Variants in FBXO11 observed in about 807,000 individuals in gnomAD.
FBXO11 encodes the protein F-box protein 11.
In FBXO11, 13 loss-of-function variants were observed where a neutral mutation model predicts 117.0. The ratio of observed to expected loss-of-function variants is 0.11; its 90% confidence interval spans 0.07 to 0.18. The LOEUF is 0.18. Ranked by LOEUF, FBXO11 falls within the 10% of genes least tolerant of loss-of-function variation. The probability of loss-of-function intolerance (pLI) is 1.00; values close to 1 mark genes in which losing one functional copy is unlikely to be tolerated. For synonymous variants in FBXO11, 490 were observed against 380.5 expected (o/e 1.29, Z -3.35); for missense variants, 767 against 1,164.4 (o/e 0.66, Z 4.97).
chr2:47,842,649 T>TA (rs1464286597), intron 1 of FBXO11, among the ~76,000 whole-genome samples: 8 of 152,100 alleles, frequency 5.3e-5, no homozygotes, highest in African/African-American at 1.9e-4. Flanking sequence ...TAAATATATG[T>TA]AAAACACACA....
chr2:47,844,634 G>C (rs2104904490), intron 1 of FBXO11, among the ~76,000 whole-genome samples: 1 of 152,052 alleles, frequency 6.6e-6, no homozygotes, highest in African/African-American at 2.4e-5. Flanking sequence ...TTATAGTTTT[G>C]TTCTTAATGC....
In FBXO11 at chr2:47,839,675, T is replaced by C. The variant is rs1286576040; in HGVS notation, c.327A>G (p.Lys109=). 1.2e-6 allele frequency: 2 copies of C among 1,614,072 alleles called. No homozygotes were observed. The highest frequency in any genetic ancestry group is 1.7e-5 in the Admixed American group (1 of 60,008). ...YQLRRKTLLP[K]RTACPTKNSM... ...TGTTCTTTGTGGGACACGCTGTTCT[T>C]TTCGGCAAAAGAGTTTTTCTACGAA... The change falls in exon 2 of 23, where the codon AAA becomes AAG. Residue 109 remains lysine, a synonymous_variant. Transcript: ENST00000403359.
At chr2:47,871,985 T>A (rs1041819712) in intron 1 of FBXO11, among the ~76,000 whole-genome samples, 1 of 152,216 alleles carries the variant, frequency 6.6e-6, no homozygotes, top group East Asian at 1.9e-4. Context: ...TCCTTATTTA[T>A]AACCTCCAGT....
chr2:47,819,103 A>G, intron 14 of FBXO11, 25 bp from the exon 15 acceptor site: 1 of 1,607,960 alleles, frequency 6.2e-7, no homozygotes, highest in South Asian at 1.1e-5. Flanking sequence ...CACTGGTTAT[A>G]ATATTTATCT....
intron 1 of FBXO11, among the ~76,000 whole-genome samples, chr2:47,879,588 T>C (rs369396007): frequency 3.3e-5 from 5 of 152,342 alleles, no homozygotes; most frequent in African/African-American, 9.6e-5. Context: ...TTTTATGGGG[T>C]TGCAAGATCT....
intron 1 of FBXO11, among the ~76,000 whole-genome samples, chr2:47,898,444 T>C (rs1010082902): frequency 6.6e-6 from 1 of 152,194 alleles, no homozygotes; most frequent in Admixed American, 6.5e-5. Flanking sequence ...AAAACTAATT[T>C]AACGCACATT....
At chr2:47,839,608 T>C in intron 2 of FBXO11, 34 bp downstream of exon 2, 2 of 1,606,356 alleles carry the variant, frequency 1.2e-6, no homozygotes, top group South Asian at 1.1e-5. Flanking sequence ...AATTCTTTCA[T>C]TACAAAAAGA....
chr2:47,842,725 A>C (rs988828642), intron 1 of FBXO11, among the ~76,000 whole-genome samples: 1 of 151,428 alleles, frequency 6.6e-6, no homozygotes, highest in African/African-American at 2.4e-5. Context: ...TTTAAATATT[A>C]TTCGATTAAC....
At chr2:47,858,048 T>C (rs1031777180) in intron 1 of FBXO11, among the ~76,000 whole-genome samples, 8 of 152,176 alleles carry the variant, frequency 5.3e-5, no homozygotes, top group African/African-American at 1.2e-4. Flanking sequence ...AAAAAAATCA[T>C]TGCCTTGGGT....
chr2:47,871,866 A>T (rs1176252404), intron 1 of FBXO11, among the ~76,000 whole-genome samples: 1 of 152,238 alleles, frequency 6.6e-6, no homozygotes, highest in Non-Finnish European at 1.5e-5. Context: ...TTCTGTAAAC[A>T]ATCTTTTCCC....
intron 21 of FBXO11, chr2:47,808,881 GAGAC>G (rs1180770736): frequency 6.5e-6 from 2 of 309,420 alleles, no homozygotes; most frequent in Non-Finnish European, 1.2e-5. Flanking sequence ...TTGTTTTGTA[GAGAC>G]AGGGTCTCCC....
intron 1 of FBXO11, among the ~76,000 whole-genome samples, chr2:47,843,861 C>T (rs994821448): frequency 3.9e-5 from 6 of 152,116 alleles, no homozygotes; most frequent in African/African-American, 1.4e-4. Context: ...CCACCTCAGC[C>T]TTCCGAGTAG....
At chr2:47,828,824 T>C (rs905515157) in intron 11 of FBXO11, among the ~76,000 whole-genome samples, 4 of 152,188 alleles carry the variant, frequency 2.6e-5, no homozygotes, top group African/African-American at 9.7e-5. Context: ...TGAAGTGTAG[T>C]TGTCCCCAAG....
rs377037169 is a variant in FBXO11 at position 47,874,867 on chromosome 2, CTTTTT to C, written c.232+30617_232+30621del. ...AAATTTAAAAAACATTGTCTCAGGA[CTTTTT>C]TTTTTTTTTTTTTTTAAAGCAAAAA... On this transcript the variant is annotated intron_variant, in intron 1 of 22. Coordinates refer to ENST00000403359, the MANE Select transcript of FBXO11 (RefSeq NM_001190274.2). 2.7e-3 allele frequency among the ~76,000 whole-genome samples: 346 copies of C among 128,880 alleles called. 2 individuals carry two copies. Among genetic ancestry groups the C allele is most frequent in the African/African-American group, 8.3e-3 (291 of 34,958 alleles). The allele number at this position is 128,880 out of a possible 152,430, so 84.6% of individuals were successfully genotyped here. A position where few individuals can be genotyped will look rare whatever the true frequency, so the allele number is the denominator to read the frequency against.
chr2:47,886,974 T>C (rs1393689760), intron 1 of FBXO11, among the ~76,000 whole-genome samples: 1 of 152,052 alleles, frequency 6.6e-6, no homozygotes, highest in Non-Finnish European at 1.5e-5. Context: ...GATCAAGCCA[T>C]TACACTCTAG....
At chr2:47,813,749 A>C in intron 17 of FBXO11, 42 bp downstream of exon 17, 2 of 1,455,544 alleles carry the variant, frequency 1.4e-6, no homozygotes, top group Non-Finnish European at 1.8e-6. Flanking sequence ...GTGTATTTCT[A>C]AAGTTTATTA....
chr2:47,896,776 A>T (rs6723441), intron 1 of FBXO11, among the ~76,000 whole-genome samples: 24,407 of 152,202 alleles, frequency 0.16, 2,104 homozygotes, highest in African/African-American at 0.18. Context: ...GTGAAGTAGT[A>T]TAGTGGCTAC....
intron 1 of FBXO11, among the ~76,000 whole-genome samples, chr2:47,857,077 T>A (rs1008726310): frequency 1.3e-5 from 2 of 152,242 alleles, no homozygotes; most frequent in Admixed American, 1.3e-4. Context: ...GAAACTCATC[T>A]ACTTTAGTCA....
intron 1 of FBXO11, chr2:47,866,017 G>T (rs78535412): frequency 0.055 from 8,296 of 152,200 alleles, 241 homozygotes; most frequent in Non-Finnish European, 0.068. Flanking sequence ...TTGGGAGGCT[G>T]AGGCAGGAAG....
Sources: allele counts gnomAD v4.1 joint callset (sites outside exome capture counted in the v4.1 genomes callset), GRCh38; gene constraint gnomAD v4.1.1; transcripts MANE v1.5; gene names NCBI Gene and HGNC (gene_info 2026-07-23, HGNC 2026-07-21).